TNRC18: variants seen among roughly 807,000 people sequenced by gnomAD.
The protein encoded by TNRC18 is trinucleotide repeat containing 18.
In TNRC18, 69 loss-of-function variants were observed where a neutral mutation model predicts 226.7. That is an observed-to-expected ratio of 0.30 (90% CI 0.25 to 0.37). TNRC18 has a LOEUF of 0.37. Ranked by LOEUF, TNRC18 falls within the 10% of genes least tolerant of loss-of-function variation. The probability of loss-of-function intolerance (pLI) is 1.00; values close to 1 mark genes in which losing one functional copy is unlikely to be tolerated. For missense variants in TNRC18, 4,754 were observed against 4,256.6 expected (o/e 1.12, Z -3.25); for synonymous variants, 2,449 against 1,927.6 (o/e 1.27, Z -7.09).
rs551146650 is a variant in TNRC18, at chr7:5,326,739, G to A, written c.6148-1491C>T. Among the ~76,000 whole-genome samples the A allele has an allele frequency of 9.2e-4, 140 of 152,000 alleles. 1 individual carries two copies. The highest frequency in any genetic ancestry group is 1.5e-3 in the Non-Finnish European group (105 of 67,982). On this transcript the variant is annotated intron_variant, in intron 19 of 29. Coordinates refer to ENST00000430969, the MANE Select transcript of TNRC18 (RefSeq NM_001080495.3). ...GAATCATCACTTGCACCCGGTAGGC[G>A]GAGGTTGCAGTGAGCCGAGATCGCG...
chr7:5,372,751 G>C (rs913212400), intron 10 of TNRC18, among the ~76,000 whole-genome samples: 26 of 152,252 alleles, frequency 1.7e-4, no homozygotes, highest in African/African-American at 6.3e-4. Context: ...GCTAGCTGCA[G>C]TGGTCTCAAG....
chr7:5,350,821 C>T (rs936068064), intron 17 of TNRC18, among the ~76,000 whole-genome samples: 1 of 152,146 alleles, frequency 6.6e-6, no homozygotes, highest in African/African-American at 2.4e-5. Flanking sequence ...ACCAGGCCAG[C>T]CTCTCTCCAA....
Position 5,388,405 on chromosome 7 carries a change from C to G in TNRC18, c.1419G>C (p.Arg473Ser). The stretch of plus-strand genomic sequence containing the variant: ...GGCCGCGGGGCGCACGCTCGCAGGG[C>G]CTCGGGTCCGCCTCGGGCTTGAGCA... ...KELLKPEADP[R>S]PCERAPRGPA... Residue 473 changes from arginine (R) to serine (S), a missense_variant, in exon 5 of 30, where the codon AGG becomes AGC. Physicochemically the swap from Arg to Ser is moderately radical, Grantham distance 110 (BLOSUM62 -1). Coordinates refer to ENST00000430969, the MANE Select transcript of TNRC18 (RefSeq NM_001080495.3). 6.7e-7 allele frequency: 1 copy of G among 1,498,916 alleles called. No homozygotes were observed. Among genetic ancestry groups the G allele is most frequent in the South Asian group, 1.3e-5 (1 of 78,886 alleles). 92.9% of individuals were successfully genotyped at this position (1,498,916 alleles called of 1,614,324 possible).
At chr7:5,422,463 T>C (rs937067843) in intron 1 of TNRC18, among the ~76,000 whole-genome samples, 15 of 152,146 alleles carry the variant, frequency 9.9e-5, no homozygotes, top group African/African-American at 3.6e-4. Context: ...TTAAAAGATT[T>C]GTCCTTTGCC....
At position 5,388,124 on chromosome 7, in the gene TNRC18, C is replaced by T. The variant is rs1584024370; in HGVS notation, c.1700G>A (p.Arg567Gln). Reference sequence around the variant, plus strand: ...CGCAGAGTGCATGTCAGCGACCGGCCGGCCGCAGGTGGCCGCCGAGCGGGG... The same window carrying T: ...CGCAGAGTGCATGTCAGCGACCGGCTGGCCGCAGGTGGCCGCCGAGCGGGG... ...VLPRSAATCG[R>Q]PVADMHSAAH... is the part of the protein sequence containing the mutation. The change falls in exon 5 of 30, where the codon CGG (arginine) becomes CAG (glutamine). Residue 567 changes from arginine to glutamine, a missense_variant. Coordinates refer to ENST00000430969, the MANE Select transcript of TNRC18 (RefSeq NM_001080495.3). 10 of 1,554,978 alleles carry T rather than the reference C, an allele frequency of 6.4e-6. No homozygotes were observed. Among genetic ancestry groups the T allele is most frequent in the East Asian group, 2.4e-5 (1 of 41,266 alleles).
chr7:5,313,431 G>A lies in TNRC18; in HGVS notation c.7460C>T (p.Pro2487Leu), dbSNP rs781681140. The part of the protein sequence containing the change: ...AKEALLLRED[P>L]GAGGWQEPKS... Reference sequence around the variant, plus strand: ...GGGCTCCTGCCAGCCCCCCGCCCCCGGATCCTCCCGGAGCAGCAGGGCCTC... The same window carrying A: ...GGGCTCCTGCCAGCCCCCCGCCCCCAGATCCTCCCGGAGCAGCAGGGCCTC... Residue 2487 changes from proline to leucine, a missense_variant, in exon 27 of 30, where the codon CCG (proline) becomes CTG (leucine). Pro to Leu is a moderately conservative substitution (Grantham distance 98). Coordinates refer to ENST00000430969, the MANE Select transcript of TNRC18 (RefSeq NM_001080495.3). The A allele has an allele frequency of 2.2e-5, 35 of 1,609,322 alleles. No homozygotes were observed. Among genetic ancestry groups the A allele is most frequent in the African/African-American group, 9.4e-5 (7 of 74,828 alleles).
Position 5,308,144 on chromosome 7 carries a change from T to G in TNRC18, c.8869A>C (p.Met2957Leu), listed in dbSNP as rs1786753987. 1 of 1,564,666 alleles carries G rather than the reference T, an allele frequency of 6.4e-7. No individual in the cohort carries two copies. The change falls in exon 30 of 30, where the codon ATG (methionine) becomes CTG (leucine). Residue 2957 changes from methionine (M) to leucine (L), a missense_variant. Coordinates refer to ENST00000430969, the MANE Select transcript of TNRC18 (RefSeq NM_001080495.3). ...GGCACGCCGTCCGTGGAGAAGATCA[T>G]GCCCGTGGTGGGCTCGTAGGTGCCC... ...LAGTYEPTTG[M>L]IFSTDGVPVL... is the part of the protein sequence containing the mutation.
intron 18 of TNRC18, among the ~76,000 whole-genome samples, chr7:5,341,609 C>CA (rs1208326489): frequency 3.3e-5 from 5 of 150,698 alleles, no homozygotes; most frequent in Admixed American, 6.6e-5. Context: ...ACCAAAAATA[C>CA]AAAAATCAGC....
chr7:5,405,742 TCAAAAA>T (rs1781423163), intron 2 of TNRC18, among the ~76,000 whole-genome samples: 2 of 151,836 alleles, frequency 1.3e-5, no homozygotes, highest in South Asian at 4.2e-4. Flanking sequence ...AGACTCTGTC[TCAAAAA>T]CAAAAAATAA....
At chr7:5,321,988 A>C (rs1788416639) in intron 21 of TNRC18, among the ~76,000 whole-genome samples, 1 of 151,394 alleles carries the variant, frequency 6.6e-6, no homozygotes, top group African/African-American at 2.4e-5. Flanking sequence ...TTTTTTTAAT[A>C]ATTTTTTCAA....
At chr7:5,330,805 C>T (rs762434397) in intron 19 of TNRC18, among the ~76,000 whole-genome samples, 38 of 152,144 alleles carry the variant, frequency 2.5e-4, no homozygotes, top group Non-Finnish European at 5.1e-4. Flanking sequence ...TCCTGAGTAG[C>T]TGGGATTACA....
intron 15 of TNRC18, among the ~76,000 whole-genome samples, chr7:5,357,982 G>C (rs1792625557): frequency 6.6e-6 from 1 of 152,224 alleles, no homozygotes; most frequent in African/African-American, 2.4e-5. Context: ...TCCTAAGGAA[G>C]TACTTCGACC....
intron 5 of TNRC18, among the ~76,000 whole-genome samples, chr7:5,384,499 C>G (rs922787467): frequency 5.3e-5 from 8 of 150,592 alleles, no homozygotes; most frequent in African/African-American, 1.7e-4. Context: ...GGCACACCCT[C>G]CCTCCCTCCC....
At position 5,388,399 on chromosome 7, in the gene TNRC18, G is replaced by C. The variant is rs776957885; in HGVS notation, c.1425C>G (p.Cys475Trp). 6.6e-7 allele frequency: 1 copy of C among 1,506,476 alleles called. No homozygotes were observed. Among genetic ancestry groups the C allele is most frequent in the Admixed American group, 2.4e-5 (1 of 41,606 alleles). 93.3% of individuals were successfully genotyped at this position (1,506,476 alleles called of 1,614,324 possible). ...LLKPEADPRP[C>W]ERAPRGPAGP... is the part of the protein sequence containing the mutation. ...CGGCTGGGCCGCGGGGCGCACGCTC[G>C]CAGGGCCTCGGGTCCGCCTCGGGCT... Residue 475 changes from cysteine to tryptophan, a missense_variant, in exon 5 of 30, where the codon TGC becomes TGG. Coordinates refer to ENST00000430969, the MANE Select transcript of TNRC18 (RefSeq NM_001080495.3).
At chr7:5,366,102 C>T (rs1409235127) in intron 11 of TNRC18, among the ~76,000 whole-genome samples, 1 of 151,946 alleles carries the variant, frequency 6.6e-6, no homozygotes, top group Non-Finnish European at 1.5e-5. Flanking sequence ...AGCTTCTCTT[C>T]CTTGGCACTA....
At chr7:5,376,369 GGC>G (rs1238821016) in intron 8 of TNRC18, 145 bp from the exon 9 acceptor site, 2 of 760,874 alleles carry the variant, frequency 2.6e-6, no homozygotes, top group African/African-American at 3.6e-5. Context: ...GCTCCCCAGG[GGC>G]CAGGAAGTTT....
intron 18 of TNRC18, among the ~76,000 whole-genome samples, chr7:5,339,270 C>G: frequency 6.8e-6 from 1 of 146,626 alleles, no homozygotes; most frequent in Non-Finnish European, 1.5e-5. Flanking sequence ...GATGGAGTCT[C>G]ACTCTATTGC....
chr7:5,364,462 A>AC lies in TNRC18; in HGVS notation c.4220-1638_4220-1637insG, dbSNP rs778462099. 9.3e-4 allele frequency among the ~76,000 whole-genome samples: 108 copies of AC among 116,722 alleles called. 1 individual carries two copies. The highest frequency in any genetic ancestry group is 8.3e-3 in the Middle Eastern group (2 of 242). 76.6% of individuals were successfully genotyped at this position (116,722 alleles called of 152,430 possible). On this transcript the variant is annotated intron_variant, in intron 11 of 29. Coordinates refer to ENST00000430969, the MANE Select transcript of TNRC18 (RefSeq NM_001080495.3). ...AACAGAGCGAGCCTGTCTCAAAGAAAACACACACACACACACACACACACA... is the reference window on the plus strand; with the variant it reads ...AACAGAGCGAGCCTGTCTCAAAGAAACACACACACACACACACACACACACA...
chr7:5,405,439 C>T (rs753612101), intron 2 of TNRC18, among the ~76,000 whole-genome samples: 5 of 151,820 alleles, frequency 3.3e-5, no homozygotes, highest in Non-Finnish European at 4.4e-5. Flanking sequence ...TGTGGTGGTG[C>T]GCACCTGTAA....
Sources: gnomAD v4.1 joint callset for allele counts (sites outside exome capture counted in the v4.1 genomes callset) on GRCh38, gnomAD v4.1.1 for gene constraint, MANE v1.5 for transcripts, NCBI Gene and HGNC (gene_info 2026-07-23, HGNC 2026-07-21) for gene names.